The following SLC39A10 variants were observed in gnomAD, a reference collection of about 807,000 sequenced individuals.
SLC39A10 encodes zinc transporter ZIP10.
Under a neutral mutation model 65.1 loss-of-function variants are expected in SLC39A10, and 13 were observed. The ratio of observed to expected loss-of-function variants is 0.20; its 90% CI spans 0.13 to 0.32. The LOEUF (loss-of-function observed/expected upper bound fraction) is 0.32, where lower values mean the gene tolerates loss of function less well. Ranked by LOEUF, SLC39A10 falls within the 10% of genes least tolerant of loss-of-function variation. The pLI is 1.00. For synonymous variants in SLC39A10, 321 were observed against 342.2 expected, an observed-to-expected ratio of 0.94 and a Z score of 0.68; for missense variants, 831 against 1,018.4, an observed-to-expected ratio of 0.82 and a Z score of 2.50.
At chr2:195,619,455 A>AGTGT (rs944639410) in intron 2 of SLC39A10, among the ~76,000 whole-genome samples, 2 of 152,178 alleles carry the variant, frequency 1.3e-5, no homozygotes, top group Non-Finnish European at 2.9e-5. Context: ...TAAAAGAATG[A>AGTGT]GTGTGGTTTT....
intron 2 of SLC39A10, among the ~76,000 whole-genome samples, chr2:195,635,616 G>C (rs915056068): frequency 2.0e-5 from 3 of 151,800 alleles, no homozygotes; most frequent in Non-Finnish European, 4.4e-5. Flanking sequence ...CCTGGCACAT[G>C]CTAAAGTGCT....
intron 2 of SLC39A10, among the ~76,000 whole-genome samples, chr2:195,617,813 G>A (rs563322424): frequency 2.0e-5 from 3 of 150,932 alleles, no homozygotes; most frequent in African/African-American, 7.3e-5. Flanking sequence ...AATCTCGGCG[G>A]ACTGCAAGCT....
At chr2:195,623,808 A>G (rs539574699) in intron 2 of SLC39A10, among the ~76,000 whole-genome samples, 1 of 152,144 alleles carries the variant, frequency 6.6e-6, no homozygotes, top group South Asian at 2.1e-4. Context: ...CACTGTGAAT[A>G]TGCTTGTAAC....
At chr2:195,689,612 A>G (rs1690653576) in intron 3 of SLC39A10, among the ~76,000 whole-genome samples, 1 of 152,142 alleles carries the variant, frequency 6.6e-6, no homozygotes, top group Non-Finnish European at 1.5e-5. Flanking sequence ...GTTTGGTGAT[A>G]TTAAATACAT....
intron 2 of SLC39A10, among the ~76,000 whole-genome samples, chr2:195,627,988 G>A (rs951567881): frequency 2.6e-5 from 4 of 152,092 alleles, no homozygotes; most frequent in Admixed American, 2.0e-4. Flanking sequence ...AAAGATAACC[G>A]CTTTGCATTA....
At position 195,616,083 on chromosome 2, in the gene SLC39A10, G is replaced by T. The variant is rs370774216; in HGVS notation, c.-12+9850G>T. Among the ~76,000 whole-genome samples, 137 of 152,204 alleles carry T rather than the reference G, an allele frequency of 9.0e-4. 4 individuals are homozygous for T. The South Asian group carries it at 0.028, about 31-fold the overall frequency. ...CGATTCTCCTGCCTCAGCCTCCCGA[G>T]TAACTGGGATTACAGGCATAAGCCA... On this transcript the variant is annotated intron_variant, in intron 2 of 2. Coordinates refer to the SLC39A10 transcript ENST00000458054.
At chr2:195,646,187 C>A (rs57957321) in intron 2 of SLC39A10, among the ~76,000 whole-genome samples, 1,807 of 152,292 alleles carry the variant, frequency 0.012, 30 homozygotes, top group African/African-American at 0.041. Flanking sequence ...CTCAAGCGAT[C>A]CGCCCACCTC....
At chr2:195,697,470 A>G (rs932467561) in intron 3 of SLC39A10, among the ~76,000 whole-genome samples, 5 of 152,048 alleles carry the variant, frequency 3.3e-5, no homozygotes, top group Non-Finnish European at 7.4e-5. Context: ...CAAGTTACAC[A>G]TGCAGGTTTG....
chr2:195,637,465 C>T (rs1031126353), intron 2 of SLC39A10, among the ~76,000 whole-genome samples: 1 of 152,190 alleles, frequency 6.6e-6, no homozygotes, highest in Non-Finnish European at 1.5e-5. Flanking sequence ...GTTCTACAGT[C>T]AGCCAAGGCT....
chr2:195,662,164 C>G (rs568495823), intron 1 of SLC39A10, among the ~76,000 whole-genome samples: 1 of 152,026 alleles, frequency 6.6e-6, no homozygotes, highest in Non-Finnish European at 1.5e-5. Flanking sequence ...AAGATTTAAT[C>G]AGTGATCACT....
chr2:195,674,615 T>C, intron 1 of SLC39A10: 1 of 985,324 alleles, frequency 1.0e-6, no homozygotes, highest in South Asian at 4.7e-5. Flanking sequence ...TTGAGGCCTC[T>C]TATTCCCCCA....
Position 195,735,289 on chromosome 2 carries a change from T to A in SLC39A10, c.*248T>A. ...GGGACTCCATGAACCAGTGTTGATATGTTTGATTAAGACTTTTCACAAAAT... is the reference window on the plus strand; with the variant it reads ...GGGACTCCATGAACCAGTGTTGATAAGTTTGATTAAGACTTTTCACAAAAT... On this transcript the variant is annotated 3_prime_UTR_variant, in exon 10 of 10. Transcript: ENST00000359634. 3.2e-6 allele frequency: 1 copy of A among 310,290 alleles called. No homozygotes were observed. The highest frequency in any genetic ancestry group is 5.8e-6 in the Non-Finnish European group (1 of 171,174). 19.2% of individuals were successfully genotyped at this position (310,290 alleles called of 1,614,324 possible).
Position 195,672,367 on chromosome 2 carries a change from C to T in SLC39A10, c.-11-7665C>T, listed in dbSNP as rs569374593. 2.2e-4 allele frequency among the ~76,000 whole-genome samples: 34 copies of T among 152,158 alleles called. No individual in the cohort carries two copies. The South Asian group carries it at 7.0e-3, about 32-fold the overall frequency. The stretch of plus-strand genomic sequence containing the variant: ...GCTGGCCTCAAACTCCTGGGCTCAA[C>T]CATCCTCCTGCCTTGGCCTCCTACT... On this transcript the variant is annotated intron_variant, in intron 1 of 9. Transcript: ENST00000359634.
At chr2:195,633,687 G>A (rs1688639878) in intron 2 of SLC39A10, among the ~76,000 whole-genome samples, 1 of 150,530 alleles carries the variant, frequency 6.6e-6, no homozygotes, top group African/African-American at 2.5e-5. Context: ...GGATAGAGCA[G>A]GACAGTATTC....
chr2:195,644,140 T>C (rs200779961), intron 2 of SLC39A10, among the ~76,000 whole-genome samples: 2,766 of 66,268 alleles, frequency 0.042, 228 homozygotes, highest in East Asian at 0.4. Flanking sequence ...TAAATGTACA[T>C]TCATTTTTTT....
At chr2:195,681,604 C>T (rs1340269873) in intron 2 of SLC39A10, among the ~76,000 whole-genome samples, 2 of 152,098 alleles carry the variant, frequency 1.3e-5, no homozygotes, top group African/African-American at 4.8e-5. Context: ...AATTTGGTTT[C>T]CTCAAATCCA....
upstream of SLC39A10, chr2:195,656,893 A>C (rs948389464): frequency 6.6e-6 from 1 of 152,280 alleles, no homozygotes; most frequent in Non-Finnish European, 1.5e-5. Context: ...TGCGTTAAGA[A>C]GCCGCCCCAA....
intron 2 of SLC39A10, among the ~76,000 whole-genome samples, chr2:195,622,550 C>T (rs1688371479): frequency 6.6e-6 from 1 of 152,220 alleles, no homozygotes; most frequent in African/African-American, 2.4e-5. Context: ...ACAACACCAA[C>T]ACTGTTACTA....
At chr2:195,666,163 T>TA (rs1283351889) in intron 1 of SLC39A10, among the ~76,000 whole-genome samples, 4 of 152,178 alleles carry the variant, frequency 2.6e-5, no homozygotes, top group Non-Finnish European at 1.5e-5. Flanking sequence ...TATGTAGTTT[T>TA]AAAAAATTAA....
Sources: gnomAD v4.1 joint callset for allele counts (sites outside exome capture counted in the v4.1 genomes callset) on GRCh38, gnomAD v4.1.1 for gene constraint, MANE v1.5 for transcripts, NCBI Gene and HGNC (gene_info 2026-07-23, HGNC 2026-07-21) for gene names.